The following DENND1A variants were observed in gnomAD, a reference collection of about 807,000 sequenced individuals.
The protein encoded by DENND1A is DENN domain-containing protein 1A.
A neutral mutation model predicts 113.7 loss-of-function variants in DENND1A; 51 were observed. The observed-to-expected ratio is 0.45, with a 90% CI of 0.36 to 0.57. The LOEUF (loss-of-function observed/expected upper bound fraction) is 0.57, where lower values mean the gene tolerates loss of function less well. Among genes scored for constraint, DENND1A ranks in the 20% least tolerant of loss-of-function variants. The pLI is 0.00. For missense variants in DENND1A, 1,258 were observed against 1,395.9 expected (o/e 0.90, Z 1.57); for synonymous variants, 565 against 570.8 (o/e 0.99, Z 0.14).
intron 2 of DENND1A, among the ~76,000 whole-genome samples, chr9:123,847,309 T>C (rs1842757840): frequency 1.3e-5 from 2 of 152,084 alleles, no homozygotes; most frequent in Middle Eastern, 3.4e-3. Flanking sequence ...CAGACATATG[T>C]GTAATCAAAG....
At chr9:123,736,959 T>C (rs760401875) in intron 5 of DENND1A, among the ~76,000 whole-genome samples, 1 of 152,224 alleles carries the variant, frequency 6.6e-6, no homozygotes, top group African/African-American at 2.4e-5. Context: ...ATGGACTAAC[T>C]ACCAATGCTG....
At chr9:123,838,586 C>A (rs975154910) in intron 2 of DENND1A, among the ~76,000 whole-genome samples, 4 of 152,130 alleles carry the variant, frequency 2.6e-5, no homozygotes, top group Non-Finnish European at 4.4e-5. Context: ...TCATTAGTAA[C>A]AATAGATCAG....
At chr9:123,863,597 T>TAA (rs767437542) in intron 2 of DENND1A, among the ~76,000 whole-genome samples, 3 of 138,902 alleles carry the variant, frequency 2.2e-5, no homozygotes, top group African/African-American at 2.6e-5. Context: ...TCTAACAAGT[T>TAA]AAAAAAAAAA....
intron 9 of DENND1A, among the ~76,000 whole-genome samples, chr9:123,645,919 A>G (rs1207127652): frequency 1.3e-5 from 2 of 152,162 alleles, no homozygotes; most frequent in Non-Finnish European, 2.9e-5. Context: ...TTCCCTTTGC[A>G]AATGAACTGT....
chr9:123,818,639 G>A (rs374596491), intron 2 of DENND1A, among the ~76,000 whole-genome samples: 63 of 148,382 alleles, frequency 4.2e-4, no homozygotes, highest in African/African-American at 9.3e-4. Flanking sequence ...TTTACATTTC[G>A]TACATACCTT....
chr9:123,889,457 T>C (rs1849587865), intron 1 of DENND1A, among the ~76,000 whole-genome samples: 1 of 152,154 alleles, frequency 6.6e-6, no homozygotes, highest in Non-Finnish European at 1.5e-5. Context: ...TACTGTGTAT[T>C]TCAAAGACTC....
chr9:123,434,545 G>C (rs944510973), intron 19 of DENND1A, among the ~76,000 whole-genome samples: 5 of 152,196 alleles, frequency 3.3e-5, no homozygotes, highest in Non-Finnish European at 7.3e-5. Context: ...GATGTGCACT[G>C]ACTGCCAGCT....
intron 1 of DENND1A, among the ~76,000 whole-genome samples, chr9:123,929,389 G>C (rs915781876): frequency 6.6e-6 from 1 of 152,088 alleles, no homozygotes; most frequent in Non-Finnish European, 1.5e-5. Flanking sequence ...CTTCCTCCCC[G>C]GCCATCCACA....
At chr9:123,718,353 A>G (rs1442786513) in intron 5 of DENND1A, among the ~76,000 whole-genome samples, 1 of 152,208 alleles carries the variant, frequency 6.6e-6, no homozygotes, top group East Asian at 1.9e-4. Flanking sequence ...AAGGTGTGCC[A>G]TAAAGGCCTA....
chr9:123,461,321 C>A (rs548575198), intron 13 of DENND1A, among the ~76,000 whole-genome samples: 1 of 152,170 alleles, frequency 6.6e-6, no homozygotes, highest in African/African-American at 2.4e-5. Flanking sequence ...CATCTCTGTA[C>A]GCCCCAGGAA....
chr9:123,539,546 A>G (rs1309514368), intron 13 of DENND1A, among the ~76,000 whole-genome samples: 1 of 152,132 alleles, frequency 6.6e-6, no homozygotes, highest in Non-Finnish European at 1.5e-5. Flanking sequence ...TATGGAGAAA[A>G]GGAAAGAGTT....
At chr9:123,645,204 C>T (rs1289356221) in intron 9 of DENND1A, among the ~76,000 whole-genome samples, 1 of 152,154 alleles carries the variant, frequency 6.6e-6, no homozygotes, top group Non-Finnish European at 1.5e-5. Flanking sequence ...TTGAGTTTGT[C>T]TCTATTGACA....
chr9:123,791,600 T>C (rs1454850734), intron 3 of DENND1A, among the ~76,000 whole-genome samples: 1 of 152,196 alleles, frequency 6.6e-6, no homozygotes, highest in Admixed American at 6.5e-5. Flanking sequence ...TTCATAAAGA[T>C]GTATCAGATA....
At chr9:123,639,058 A>T (rs911401901) in intron 9 of DENND1A, among the ~76,000 whole-genome samples, 1 of 147,772 alleles carries the variant, frequency 6.8e-6, no homozygotes, top group African/African-American at 2.5e-5. Flanking sequence ...AAAAAAAAAA[A>T]AAAAAAAAGA....
chr9:123,483,224 G>A (rs993969476), intron 13 of DENND1A, among the ~76,000 whole-genome samples: 5 of 152,114 alleles, frequency 3.3e-5, no homozygotes, highest in African/African-American at 1.2e-4. Flanking sequence ...GGTAGTACTC[G>A]CCAGGGTCTC....
At chr9:123,626,550 C>T (rs894052043) in intron 10 of DENND1A, among the ~76,000 whole-genome samples, 1 of 152,042 alleles carries the variant, frequency 6.6e-6, no homozygotes, top group African/African-American at 2.4e-5. Flanking sequence ...CCTTGTCCTC[C>T]CCTCTAGTTC....
chr9:123,416,118 G>A (rs2044706991), intron 19 of DENND1A, among the ~76,000 whole-genome samples: 1 of 152,204 alleles, frequency 6.6e-6, no homozygotes, highest in African/African-American at 2.4e-5. Context: ...AGGCCCGAGA[G>A]GACGGCAGAG....
intron 10 of DENND1A, among the ~76,000 whole-genome samples, chr9:123,629,441 T>C (rs1456870060): frequency 6.6e-6 from 1 of 152,216 alleles, no homozygotes; most frequent in East Asian, 1.9e-4. Flanking sequence ...CAGTCTGTTT[T>C]GGTAATCTAT....
intron 2 of DENND1A, 32 bp downstream of exon 2, chr9:123,878,919 C>A: frequency 6.2e-7 from 1 of 1,608,038 alleles, no homozygotes; most frequent in Non-Finnish European, 8.5e-7. Context: ...CAATAAGTAA[C>A]ACACCATATC....
Sources: allele counts gnomAD v4.1 joint callset (sites outside exome capture counted in the v4.1 genomes callset), GRCh38; gene constraint gnomAD v4.1.1; transcripts MANE v1.5; gene names NCBI Gene and HGNC (gene_info 2026-07-23, HGNC 2026-07-21).